The following PARL variants were observed in gnomAD, a reference collection of about 807,000 sequenced individuals.
PARL encodes the protein presenilin associated rhomboid like, also known as presenilin-associated rhomboid-like protein, mitochondrial.
PARL carries 44 observed loss-of-function variants against 51.6 expected under a neutral mutation model. The ratio of observed to expected loss-of-function variants is 0.85; its 90% CI spans 0.67 to 1.10. The LOEUF is 1.10. Ranked by LOEUF, PARL falls within the 50% of genes least tolerant of loss-of-function variation. The pLI is 0.00. For synonymous variants in PARL, 172 were observed against 164.0 expected (o/e 1.05, Z -0.37); for missense variants, 441 against 469.5 (o/e 0.94, Z 0.56).
rs935540981 is a variant in PARL, at chr3:183,833,414, G to C, written c.1028+78C>G. ...TTCAATGTCTCTGCCATGGGGATGG[G>C]GGGTAGGGGTGAGGCTGGGGTAGGA... On this transcript the variant is annotated intron_variant, in intron 9 of 9. Coordinates refer to ENST00000317096, the MANE Select transcript of PARL (RefSeq NM_018622.7). 56 of 868,306 alleles carry C rather than the reference G, an allele frequency of 6.4e-5. No homozygotes were observed. In the African/African-American group the frequency reaches 7.9e-4, roughly 12 times the overall value. The allele number at this position is 868,306 out of a possible 1,614,324, so 53.8% of individuals were successfully genotyped here.
At chr3:183,828,294 A>G (rs1727572356), downstream of PARL, among the ~76,000 whole-genome samples, 1 of 152,194 alleles carries the variant, frequency 6.6e-6, no homozygotes, top group Non-Finnish European at 1.5e-5. Flanking sequence ...CTCTAGAGGG[A>G]ATGTCCCTAT....
intron 1 of PARL, 52 bp from the exon 2 acceptor site, chr3:183,868,112 A>T (rs776206614): frequency 7.7e-7 from 1 of 1,303,740 alleles, no homozygotes; most frequent in South Asian, 1.2e-5. Context: ...TGCAAATATC[A>T]ACTTCTATGA....
At chr3:183,836,529 G>A (rs551308358) in intron 7 of PARL, among the ~76,000 whole-genome samples, 1 of 152,194 alleles carries the variant, frequency 6.6e-6, no homozygotes, top group African/African-American at 2.4e-5. Flanking sequence ...TTTCGAGTCA[G>A]AAAGAAGAAT....
At chr3:183,839,047 A>T (rs183301701) in intron 7 of PARL, among the ~76,000 whole-genome samples, 2 of 152,330 alleles carry the variant, frequency 1.3e-5, no homozygotes, top group Admixed American at 6.5e-5. Flanking sequence ...AGACAATATG[A>T]TTCGAAATAT....
rs182806799 is a variant in PARL, at chr3:183,833,277, A to G, written c.1028+215T>C. 2.4e-3 allele frequency among the ~76,000 whole-genome samples: 360 copies of G among 152,290 alleles called. 6 individuals carry two copies. The highest frequency in any genetic ancestry group is 0.021 in the Admixed American group (328 of 15,294). On this transcript the variant is annotated intron_variant, in intron 9 of 9. Transcript: ENST00000317096. Reference sequence around the variant, plus strand: ...GCAACTTAAGGTTAAGCGTAGGGTAAAGGCACAGACTGTCTCTACAATGAG... The same window carrying G: ...GCAACTTAAGGTTAAGCGTAGGGTAGAGGCACAGACTGTCTCTACAATGAG...
downstream of PARL, chr3:183,829,221 G>C: frequency 3.3e-6 from 1 of 302,150 alleles, no homozygotes. Context: ...AGGCAAGGAA[G>C]AGTGAAGGCT....
intron 4 of PARL, chr3:183,844,830 A>G (rs1448435217): frequency 6.5e-6 from 1 of 154,340 alleles, no homozygotes; most frequent in Non-Finnish European, 1.4e-5. Context: ...TAGTCATGTG[A>G]TAGGAATTCA....
chr3:183,855,886 G>A (rs1187515245), intron 4 of PARL, among the ~76,000 whole-genome samples: 2 of 151,838 alleles, frequency 1.3e-5, no homozygotes, highest in African/African-American at 4.8e-5. Context: ...CCTGAATCCG[G>A]GAGAGATTGC....
intron 2 of PARL, among the ~76,000 whole-genome samples, chr3:183,867,627 G>A (rs1560420464): frequency 6.6e-6 from 1 of 151,758 alleles, no homozygotes; most frequent in Non-Finnish European, 1.5e-5. Flanking sequence ...GTGAACCCAG[G>A]AGGTGGAGCT....
chr3:183,829,775 G>A (rs1727708635), intron 9 of PARL, 66 bp from the exon 10 acceptor site: 5 of 1,263,120 alleles, frequency 4.0e-6, no homozygotes, highest in South Asian at 2.4e-5. Flanking sequence ...GTAGCATGGT[G>A]ACAGATCCCA....
intron 4 of PARL, among the ~76,000 whole-genome samples, chr3:183,851,983 G>A (rs1467426173): frequency 2.0e-5 from 3 of 152,100 alleles, no homozygotes; most frequent in Non-Finnish European, 2.9e-5. Context: ...AACTTGGCAA[G>A]ACCTCATCTC....
intron 1 of PARL, among the ~76,000 whole-genome samples, chr3:183,872,791 G>A (rs916705096): frequency 3.9e-5 from 6 of 152,120 alleles, no homozygotes; most frequent in African/African-American, 7.2e-5. Context: ...AAATGGACAC[G>A]TCACTGATGT....
intron 9 of PARL, among the ~76,000 whole-genome samples, chr3:183,831,750 AAAAT>A (rs753410390): frequency 1.2e-4 from 19 of 152,222 alleles, no homozygotes; most frequent in African/African-American, 4.1e-4. Context: ...CAACGAAAAA[AAAAT>A]AAATAAAAGA....
intron 1 of PARL, among the ~76,000 whole-genome samples, chr3:183,875,394 G>T (rs935221842): frequency 9.0e-6 from 1 of 111,296 alleles, no homozygotes; most frequent in Non-Finnish European, 1.6e-5. Flanking sequence ...CAGCCTGGGC[G>T]ACAGAGCAAG....
At chr3:183,840,511 C>T (rs747230259) in intron 7 of PARL, 59 bp downstream of exon 7, 6 of 817,306 alleles carry the variant, frequency 7.3e-6, no homozygotes, top group Non-Finnish European at 1.2e-5. Context: ...TAAGTCTAAA[C>T]TTATTTCAAA....
chr3:183,842,267 T>A (rs766514581), intron 6 of PARL, 31 bp downstream of exon 6: 2 of 1,606,836 alleles, frequency 1.2e-6, no homozygotes, highest in African/African-American at 2.7e-5. Context: ...GTGCTTATAC[T>A]CTCAAAGGCC....
At chr3:183,853,594 A>G (rs1456576767) in intron 4 of PARL, among the ~76,000 whole-genome samples, 2 of 152,184 alleles carry the variant, frequency 1.3e-5, no homozygotes, top group African/African-American at 2.4e-5. Context: ...CAACAACAAA[A>G]AAAAATCAAA....
chr3:183,838,447 C>T (rs1728911245), intron 7 of PARL, among the ~76,000 whole-genome samples: 1 of 152,098 alleles, frequency 6.6e-6, no homozygotes, highest in Non-Finnish European at 1.5e-5. Context: ...GCCATTATAC[C>T]TGGTGATTTA....
chr3:183,832,117 A>T (rs899502025), intron 9 of PARL, among the ~76,000 whole-genome samples: 1 of 152,184 alleles, frequency 6.6e-6, no homozygotes, highest in Non-Finnish European at 1.5e-5. Context: ...GACCTTGCAT[A>T]TACTACATAC....
Sources: allele counts gnomAD v4.1 joint callset (sites outside exome capture counted in the v4.1 genomes callset), GRCh38; gene constraint gnomAD v4.1.1; transcripts MANE v1.5; gene names NCBI Gene and HGNC (gene_info 2026-07-23, HGNC 2026-07-21).